RAVER2: variants seen among roughly 807,000 people sequenced by gnomAD.
The protein encoded by RAVER2 is ribonucleoprotein, PTB binding 2, also known as ribonucleoprotein PTB-binding 2.
A neutral mutation model predicts 78.1 loss-of-function variants in RAVER2; 46 were observed. That is an observed-to-expected ratio of 0.59 (90% confidence interval 0.46 to 0.75). The LOEUF (loss-of-function observed/expected upper bound fraction) is 0.75, where lower values mean the gene tolerates loss of function less well. Among genes scored for constraint, RAVER2 ranks in the 30% least tolerant of loss-of-function variants. RAVER2 has a pLI of 0.00. For missense variants in RAVER2, 793 were observed against 837.5 expected, an observed-to-expected ratio of 0.95 and a Z score of 0.66; for synonymous variants, 311 against 313.3, an observed-to-expected ratio of 0.99 and a Z score of 0.08.
intron 1 of RAVER2, among the ~76,000 whole-genome samples, chr1:64,756,489 CA>C (rs1214834572): frequency 6.6e-6 from 1 of 152,094 alleles, no homozygotes; most frequent in Non-Finnish European, 1.5e-5. Flanking sequence ...GTGGGAGCTT[CA>C]AATTGGCCCC....
chr1:64,781,694 C>A, intron 4 of RAVER2, 123 bp downstream of exon 4: 1 of 956,460 alleles, frequency 1.0e-6, no homozygotes. Flanking sequence ...TTCCATCACA[C>A]TGAAGACTTT....
intron 5 of RAVER2, among the ~76,000 whole-genome samples, chr1:64,797,934 T>G (rs545488287): frequency 6.6e-6 from 1 of 152,030 alleles, no homozygotes; most frequent in Non-Finnish European, 1.5e-5. Context: ...CTTTTTTTTT[T>G]TATTATACTT....
intron 1 of RAVER2, among the ~76,000 whole-genome samples, chr1:64,768,353 T>G (rs1652227385): frequency 6.6e-6 from 1 of 151,858 alleles, no homozygotes; most frequent in Non-Finnish European, 1.5e-5. Context: ...TTTGGGAAAT[T>G]TAGTGATATG....
intron 4 of RAVER2, 62 bp downstream of exon 4, chr1:64,781,633 T>C: frequency 2.1e-6 from 3 of 1,448,638 alleles, no homozygotes; most frequent in Non-Finnish European, 2.8e-6. Context: ...ACTATTTTAA[T>C]CTATCCAGTC....
At chr1:64,792,510 CTCT>C (rs781498571) in intron 5 of RAVER2, among the ~76,000 whole-genome samples, 1 of 152,144 alleles carries the variant, frequency 6.6e-6, no homozygotes, top group Non-Finnish European at 1.5e-5. Context: ...TTATTTTTGT[CTCT>C]TCTTTTCATC....
At chr1:64,771,119 A>G (rs1265876615) in intron 2 of RAVER2, among the ~76,000 whole-genome samples, 1 of 152,050 alleles carries the variant, frequency 6.6e-6, no homozygotes, top group Non-Finnish European at 1.5e-5. Context: ...GTTGTAATCA[A>G]ATTGCTTACA....
intron 1 of RAVER2, among the ~76,000 whole-genome samples, chr1:64,746,876 T>TA (rs1553150929): frequency 6.2e-4 from 94 of 152,062 alleles, no homozygotes; most frequent in African/African-American, 2.2e-3. Flanking sequence ...ATGGCATTTT[T>TA]TAAAAAAACA....
intron 1 of RAVER2, among the ~76,000 whole-genome samples, chr1:64,763,777 C>T (rs1413644723): frequency 1.3e-5 from 2 of 151,976 alleles, no homozygotes; most frequent in Non-Finnish European, 2.9e-5. Flanking sequence ...GTGATGGGCA[C>T]CTGTAATCCC....
intron 1 of RAVER2, among the ~76,000 whole-genome samples, chr1:64,767,916 GA>G (rs375860179): frequency 0.042 from 6,373 of 151,024 alleles, 177 homozygotes; most frequent in African/African-American, 0.084. Flanking sequence ...TGTGCTATCA[GA>G]AAAAAAAAGT....
chr1:64,813,634 A>G (rs1426639322), intron 10 of RAVER2, among the ~76,000 whole-genome samples: 1 of 152,154 alleles, frequency 6.6e-6, no homozygotes, highest in Admixed American at 6.6e-5. Context: ...CATTTTTAAT[A>G]TACATCCTCT....
rs1301417895 is a variant in RAVER2, at chr1:64,807,326, A to AG, written c.1533dup (p.Pro512AlafsTer35). 3 of 1,614,140 alleles carry AG rather than the reference A, an allele frequency of 1.9e-6. No homozygotes were observed. The highest frequency in any genetic ancestry group is 2.5e-6 in the Non-Finnish European group (3 of 1,180,026). ...GGGCACAGTAATACTCAGGAGAAACAGCCAGCCACGGTGGGAATGGCAGAA... is the reference window on the plus strand; with the variant it reads ...GGGCACAGTAATACTCAGGAGAAACAGGCCAGCCACGGTGGGAATGGCAGAA... On this transcript the variant is annotated frameshift_variant, in exon 9 of 12. Coordinates refer to ENST00000294428, the Ensembl canonical transcript of RAVER2. LOFTEE classifies it high-confidence loss of function.
At chr1:64,819,505 T>C (rs1028851977) in intron 11 of RAVER2, among the ~76,000 whole-genome samples, 2 of 151,928 alleles carry the variant, frequency 1.3e-5, no homozygotes, top group African/African-American at 2.4e-5. Flanking sequence ...TATCAAGCAG[T>C]CTAAAATGCA....
At chr1:64,752,627 G>C (rs1395091647) in intron 1 of RAVER2, among the ~76,000 whole-genome samples, 1 of 152,084 alleles carries the variant, frequency 6.6e-6, no homozygotes, top group Non-Finnish European at 1.5e-5. Flanking sequence ...TATGATTTGG[G>C]TGGATTTCAT....
At chr1:64,771,097 A>G (rs1306726780) in intron 2 of RAVER2, among the ~76,000 whole-genome samples, 2 of 152,040 alleles carry the variant, frequency 1.3e-5, no homozygotes, top group South Asian at 2.1e-4. Context: ...CATGAGGAAA[A>G]CTACAGTGTA....
exon 12 of RAVER2, chr1:64,832,174 A>ATTAT (rs1295229392): frequency 2.8e-5 from 1 of 35,220 alleles, no homozygotes; most frequent in Non-Finnish European, 4.3e-5. Context: ...TAAATGCCCT[A>ATTAT]TTATTTCCAC....
At chr1:64,793,618 G>A (rs1420666979) in intron 5 of RAVER2, among the ~76,000 whole-genome samples, 1 of 152,120 alleles carries the variant, frequency 6.6e-6, no homozygotes, top group African/African-American at 2.4e-5. Context: ...TGTATGAATT[G>A]ATATGTTTTG....
At position 64,756,988 on chromosome 1, in the gene RAVER2, A is replaced by G. The variant is rs544041874; in HGVS notation, c.249+11567A>G. On this transcript the variant is annotated intron_variant, in intron 1 of 11. Transcript: ENST00000294428. ...ATATCAGGGGGTACATGACATTAAC[A>G]TGACTTACCACTGGTGATGTTAACC... is the stretch of plus-strand genomic sequence containing the variant. Among the ~76,000 whole-genome samples, 4 of 152,312 alleles carry G rather than the reference A, an allele frequency of 2.6e-5. No homozygotes were observed. In the East Asian group the frequency reaches 7.7e-4, roughly 29 times the overall value.
chr1:64,831,133 G>A (rs1654117511), exon 12 of RAVER2: 4 of 785,570 alleles, frequency 5.1e-6, no homozygotes, highest in South Asian at 3.5e-5. Flanking sequence ...AGGCAGAAAT[G>A]CCAAATAAAA....
intron 3 of RAVER2, among the ~76,000 whole-genome samples, 162 bp from the exon 4 acceptor site, chr1:64,781,218 A>G (rs190276077): frequency 3.9e-5 from 6 of 152,378 alleles, no homozygotes; most frequent in Admixed American, 3.9e-4. Flanking sequence ...AAGAAGAACT[A>G]CATCTAAGCA....
Sources: allele counts gnomAD v4.1 joint callset (sites outside exome capture counted in the v4.1 genomes callset), GRCh38; gene constraint gnomAD v4.1.1; transcripts MANE v1.5; gene names NCBI Gene and HGNC (gene_info 2026-07-23, HGNC 2026-07-21).